Variants in CEP290 observed in about 807,000 individuals in gnomAD.
The protein encoded by CEP290 is centrosomal protein of 290 kDa.
A neutral mutation model predicts 344.9 loss-of-function variants in CEP290; 317 were observed. That is an observed-to-expected ratio of 0.92 (90% CI 0.84 to 1.01). The LOEUF (loss-of-function observed/expected upper bound fraction) is 1.01. CEP290 is among the 50% of genes least tolerant of loss of function. The probability of loss-of-function intolerance (pLI) is 0.00; values close to 1 mark genes in which losing one functional copy is unlikely to be tolerated. For missense variants in CEP290, 2,754 were observed against 2,761.4 expected, an observed-to-expected ratio of 1.00 and a Z score of 0.06; for synonymous variants, 932 against 895.8, an observed-to-expected ratio of 1.04 and a Z score of -0.72.
rs1401831541 is a variant in CEP290 at position 88,093,855 on chromosome 12, T to C, written c.3224A>G (p.His1075Arg). 6.2e-7 allele frequency: 1 copy of C among 1,613,042 alleles called. No homozygotes were observed. ...TAAGTGTTCATACATTTTTTGACAATGTTCAGCCCGCTGCCTTTCATTTAA... is the reference window on the plus strand; with the variant it reads ...TAAGTGTTCATACATTTTTTGACAACGTTCAGCCCGCTGCCTTTCATTTAA... Reference protein sequence around the residue: ...KELNERQRAEHCQKMYEHLRT... With the variant: ...KELNERQRAERCQKMYEHLRT... The change falls in exon 28 of 54, where the codon CAT becomes CGT. Residue 1075 changes from histidine to arginine, a missense_variant. Transcript: ENST00000552810.
intron 19 of CEP290, among the ~76,000 whole-genome samples, 196 bp downstream of exon 19, chr12:88,114,902 T>C (rs1282045067): frequency 6.6e-6 from 1 of 152,138 alleles, no homozygotes; most frequent in Non-Finnish European, 1.5e-5. Context: ...AAAAAATTCA[T>C]ATTAGTAACA....
chr12:88,140,688 T>C (rs1473841405), intron 3 of CEP290, among the ~76,000 whole-genome samples: 1 of 152,204 alleles, frequency 6.6e-6, no homozygotes, highest in Non-Finnish European at 1.5e-5. Flanking sequence ...ATTGTCTGCA[T>C]TTGTCATTTG....
At chr12:88,053,576 G>C (rs577636511) in intron 52 of CEP290, 76 bp downstream of exon 52, 85 of 650,912 alleles carry the variant, frequency 1.3e-4, no homozygotes, top group African/African-American at 1.2e-3. Flanking sequence ...AGAAATCTGA[G>C]CCAAAAAAAA....
At chr12:88,108,234 A>G (rs927425970) in intron 23 of CEP290, among the ~76,000 whole-genome samples, 7 of 152,210 alleles carry the variant, frequency 4.6e-5, no homozygotes, top group Non-Finnish European at 8.8e-5. Context: ...TTCTCTTTGC[A>G]ACTGAATGGT....
intron 32 of CEP290, among the ~76,000 whole-genome samples, chr12:88,087,212 G>T (rs1172286746): frequency 6.6e-6 from 1 of 152,072 alleles, no homozygotes; most frequent in Non-Finnish European, 1.5e-5. Flanking sequence ...TAGAAACGTG[G>T]AACTGTGAAA....
Position 88,106,896 on chromosome 12 carries a change from TGA to T in CEP290, c.2594_2595del (p.Leu865GlnfsTer9), listed in dbSNP as rs1221464366. 24 of 1,604,024 alleles carry T rather than the reference TGA, an allele frequency of 1.5e-5. No individual in the cohort carries two copies. The highest frequency in any genetic ancestry group is 2.0e-5 in the Non-Finnish European group (23 of 1,174,824). Reference protein sequence around the residue: ...AIKVKEYNNLLNALQMDSDEM... With the variant: ...AIKVKEYNNLXNALQMDSDEM... ...TCATCCGAATCCATCTGAAGAGCAT[TGA>T]GCAAATTCTGCACAAAGACACATCC... On this transcript the variant is annotated frameshift_variant, in exon 25 of 54. Coordinates refer to ENST00000552810, the MANE Select transcript of CEP290 (RefSeq NM_025114.4). LOFTEE classifies it high-confidence loss of function.
intron 40 of CEP290, 62 bp downstream of exon 40, chr12:88,077,635 A>G (rs1303178606): frequency 2.0e-6 from 2 of 980,758 alleles, no homozygotes; most frequent in Non-Finnish European, 3.0e-6. Flanking sequence ...ATGATAAAGT[A>G]GAAATAAACT....
At chr12:88,114,331 T>A in intron 20 of CEP290, 89 bp downstream of exon 20, 1 of 1,012,512 alleles carries the variant, frequency 9.9e-7, no homozygotes, top group South Asian at 2.1e-5. Flanking sequence ...ACTAAAAATA[T>A]CTCATCAGAA....
At chr12:88,077,438 G>T in intron 40 of CEP290, 94 bp from the exon 41 acceptor site, 1 of 852,134 alleles carries the variant, frequency 1.2e-6, no homozygotes, top group Non-Finnish European at 1.7e-6. Flanking sequence ...ACTTTCTGAA[G>T]CTATCACTGA....
intron 41 of CEP290, among the ~76,000 whole-genome samples, chr12:88,076,527 C>T (rs968763918): frequency 1.1e-4 from 16 of 151,972 alleles, no homozygotes; most frequent in South Asian, 2.1e-4. Flanking sequence ...AGTTCACTTT[C>T]GATATTTTGA....
At chr12:88,125,831 T>C (rs1476294113) in intron 12 of CEP290, among the ~76,000 whole-genome samples, 2 of 152,076 alleles carry the variant, frequency 1.3e-5, no homozygotes, top group Admixed American at 1.3e-4. Context: ...ACTTGTGGAC[T>C]ATAACTACAG....
intron 50 of CEP290, among the ~76,000 whole-genome samples, 187 bp downstream of exon 50, chr12:88,055,389 G>A (rs1565785201): frequency 6.6e-6 from 1 of 152,138 alleles, no homozygotes; most frequent in Non-Finnish European, 1.5e-5. Flanking sequence ...AGAAAATGTG[G>A]AGAATGAAAA....
chr12:88,080,723 C>G (rs2036139776), intron 37 of CEP290, among the ~76,000 whole-genome samples: 1 of 152,304 alleles, frequency 6.6e-6, no homozygotes, highest in African/African-American at 2.4e-5. Flanking sequence ...GCCACCACAC[C>G]TGGCCAAACA....
Position 88,117,162 on chromosome 12 carries a change from T to C in CEP290, c.1712-17A>G, listed in dbSNP as rs1473461300. 1 of 1,238,900 alleles carries C rather than the reference T, an allele frequency of 8.1e-7. No homozygotes were observed. The highest frequency in any genetic ancestry group is 1.1e-6 in the Non-Finnish European group (1 of 883,874). 76.7% of individuals were successfully genotyped at this position (1,238,900 alleles called of 1,614,324 possible). On this transcript the variant is annotated splice_polypyrimidine_tract_variant and intron_variant, in intron 17 of 53. Coordinates refer to ENST00000552810, the MANE Select transcript of CEP290 (RefSeq NM_025114.4). Reference sequence around the variant, plus strand: ...TGGTTAATCCTATATATAAGAGAATTAACAAACTAAAAACATTAAAATAAC... The same window carrying C: ...TGGTTAATCCTATATATAAGAGAATCAACAAACTAAAAACATTAAAATAAC...
intron 26 of CEP290, among the ~76,000 whole-genome samples, chr12:88,100,457 T>C (rs1345838830): frequency 6.6e-6 from 1 of 152,194 alleles, no homozygotes; most frequent in Non-Finnish European, 1.5e-5. Context: ...TCTAGTCTCA[T>C]GAACCTTTAC....
intron 41 of CEP290, among the ~76,000 whole-genome samples, chr12:88,075,040 G>A (rs1245965507): frequency 6.6e-6 from 1 of 152,148 alleles, no homozygotes; most frequent in South Asian, 2.1e-4. Context: ...TGGGAACTTC[G>A]GAAGTCACGG....
At chr12:88,054,682 G>C (rs896067753) in intron 50 of CEP290, among the ~76,000 whole-genome samples, 8 of 152,128 alleles carry the variant, frequency 5.3e-5, no homozygotes, top group Non-Finnish European at 1.5e-5. Context: ...GAAGCACAAA[G>C]AATGTGTGTT....
intron 39 of CEP290, 116 bp downstream of exon 39, chr12:88,078,976 C>T: frequency 1.3e-6 from 1 of 787,578 alleles, no homozygotes; most frequent in South Asian, 2.8e-5. Context: ...TGTCTAGCCA[C>T]CAACAGTGCA....
chr12:88,069,653 G>T (rs2035213924), intron 43 of CEP290, among the ~76,000 whole-genome samples: 1 of 152,156 alleles, frequency 6.6e-6, no homozygotes, highest in African/African-American at 2.4e-5. Flanking sequence ...GAAGGAAAAG[G>T]AAGGAATGTG....
Sources: allele counts gnomAD v4.1 joint callset (sites outside exome capture counted in the v4.1 genomes callset), GRCh38; gene constraint gnomAD v4.1.1; transcripts MANE v1.5; gene names NCBI Gene and HGNC (gene_info 2026-07-23, HGNC 2026-07-21).